The following AP1G1 variants were observed in gnomAD, a reference collection of about 807,000 sequenced individuals.
The protein encoded by AP1G1 is adaptor related protein complex 1 subunit gamma 1, also known as AP-1 complex subunit gamma-1.
AP1G1 carries 7 observed loss-of-function variants against 108.3 expected under a neutral mutation model. The observed-to-expected ratio is 0.06, with a 90% CI of 0.04 to 0.12. The LOEUF (loss-of-function observed/expected upper bound fraction) is 0.12. Ranked by LOEUF, AP1G1 falls within the 10% of genes least tolerant of loss-of-function variation. The pLI is 1.00. For missense variants in AP1G1, 756 were observed against 1,010.7 expected, an observed-to-expected ratio of 0.75 and a Z score of 3.42; for synonymous variants, 379 against 353.5, an observed-to-expected ratio of 1.07 and a Z score of -0.81.
At chr16:71,786,265 T>G (rs999191461) in intron 2 of AP1G1, among the ~76,000 whole-genome samples, 1 of 152,124 alleles carries the variant, frequency 6.6e-6, no homozygotes, top group Non-Finnish European at 1.5e-5. Flanking sequence ...TTAGAAAATA[T>G]AGAGAGATTT....
chr16:71,807,862 A>G (rs1258513716), intron 1 of AP1G1: 4 of 1,267,436 alleles, frequency 3.2e-6, no homozygotes, highest in Non-Finnish European at 3.1e-6. Flanking sequence ...AATAGGGGAG[A>G]AAAAAAAATA....
chr16:71,767,077 T>TAA (rs1340648373), intron 6 of AP1G1, among the ~76,000 whole-genome samples: 1 of 152,240 alleles, frequency 6.6e-6, no homozygotes, highest in Non-Finnish European at 1.5e-5. Context: ...GTACTAGATA[T>TAA]AACCCTAGTT....
At chr16:71,806,637 C>G (rs1454933449) in intron 1 of AP1G1, 1 of 1,196,100 alleles carries the variant, frequency 8.4e-7, no homozygotes, top group South Asian at 1.3e-5. Flanking sequence ...CTTGAAAAGT[C>G]TAAGTCAGAA....
At chr16:71,782,364 AT>A (rs1033110994) in intron 2 of AP1G1, among the ~76,000 whole-genome samples, 7 of 151,740 alleles carry the variant, frequency 4.6e-5, no homozygotes, top group African/African-American at 1.7e-4. Context: ...GGGTTTCACT[AT>A]GTTTGTCAGG....
intron 2 of AP1G1, among the ~76,000 whole-genome samples, chr16:71,775,407 G>C (rs2031745310): frequency 6.6e-6 from 1 of 152,104 alleles, no homozygotes; most frequent in South Asian, 2.1e-4. Flanking sequence ...TTCTAGAACA[G>C]ATCATTTTAT....
intron 13 of AP1G1, among the ~76,000 whole-genome samples, chr16:71,752,406 CAG>C (rs2030554594): frequency 6.6e-6 from 1 of 152,062 alleles, no homozygotes; most frequent in Admixed American, 6.6e-5. Context: ...GAGTATGCCC[CAG>C]AGAGAATTCC....
chr16:71,741,321 G>A (rs2145419891), intron 19 of AP1G1, among the ~76,000 whole-genome samples: 2 of 152,298 alleles, frequency 1.3e-5, no homozygotes, highest in Middle Eastern at 6.8e-3. Flanking sequence ...GATGGCTCAT[G>A]CCTGTAATCC....
intron 19 of AP1G1, among the ~76,000 whole-genome samples, chr16:71,744,570 T>C (rs550324531): frequency 2.6e-5 from 2 of 76,910 alleles, no homozygotes; most frequent in African/African-American, 1.0e-4. Flanking sequence ...AGAGAAAGTG[T>C]GTTTTTTTTT....
intron 21 of AP1G1, among the ~76,000 whole-genome samples, chr16:71,738,042 TA>T (rs1280635938): frequency 6.6e-6 from 1 of 152,214 alleles, no homozygotes; most frequent in Non-Finnish European, 1.5e-5. Context: ...TTTCTTTATT[TA>T]GAACTCTTTG....
Position 71,749,318 on chromosome 16 carries a change from CA to C in AP1G1, c.1497+575del, listed in dbSNP as rs200645649. ...GCAACACGGTGAAACCCTGTCTCTA[CA>C]AAAAAAAAGTAGAATAAACTAGCCA... On this transcript the variant is annotated intron_variant, in intron 15 of 22. Coordinates refer to ENST00000299980, the MANE Select transcript of AP1G1 (RefSeq NM_001128.6). Among the ~76,000 whole-genome samples the C allele has an allele frequency of 2.0e-5, 3 of 149,708 alleles. No homozygotes were observed. In the South Asian group the frequency reaches 6.3e-4, roughly 32 times the overall value.
At chr16:71,773,958 C>T (rs1019430076) in intron 3 of AP1G1, among the ~76,000 whole-genome samples, 9 of 149,512 alleles carry the variant, frequency 6.0e-5, no homozygotes, top group African/African-American at 1.2e-4. Flanking sequence ...TTAGTAGAAA[C>T]GGGGTTTCAC....
Position 71,808,826 on chromosome 16 carries a change from C to G in AP1G1, c.-67G>C, listed in dbSNP as rs953819031. The G allele has an allele frequency of 1.6e-6, 2 of 1,289,376 alleles. No homozygotes were observed. Among genetic ancestry groups the G allele is most frequent in the African/African-American group, 1.5e-5 (1 of 65,878 alleles). 79.9% of individuals were successfully genotyped at this position (1,289,376 alleles called of 1,614,324 possible). A position where few individuals can be genotyped will look rare whatever the true frequency, so the allele number is the denominator to read the frequency against. On this transcript the variant is annotated 5_prime_UTR_variant, in exon 1 of 23. Coordinates refer to ENST00000299980, the MANE Select transcript of AP1G1 (RefSeq NM_001128.6). Reference sequence around the variant, plus strand: ...CGGCGGCAGCAGTGGCAGCAGGAACCGAACATCCAAAATGGCGGCTCCCTC... The same window carrying G: ...CGGCGGCAGCAGTGGCAGCAGGAACGGAACATCCAAAATGGCGGCTCCCTC...
chr16:71,765,142 A>G (rs1175049220), intron 7 of AP1G1, among the ~76,000 whole-genome samples: 2 of 152,288 alleles, frequency 1.3e-5, no homozygotes, highest in East Asian at 3.9e-4. Flanking sequence ...GGAGTTTGAG[A>G]CCAGCCTAGG....
In AP1G1 at chr16:71,790,051, A is replaced by G. The variant is rs79403734; in HGVS notation, c.-3-569T>C. Among the ~76,000 whole-genome samples the G allele has an allele frequency of 6.4e-3, 981 of 152,268 alleles. 14 individuals carry two copies. Among genetic ancestry groups the G allele is most frequent in the African/African-American group, 0.021 (869 of 41,542 alleles). On this transcript the variant is annotated intron_variant, in intron 1 of 22. Coordinates refer to ENST00000299980, the MANE Select transcript of AP1G1 (RefSeq NM_001128.6). ...TGAAAATGTGATGAGAAAAAAATAA[A>G]CTAACCTCAGAAAATAAGGCTATTA...
At chr16:71,740,603 A>T (rs1211259186) in intron 19 of AP1G1, among the ~76,000 whole-genome samples, 1 of 152,258 alleles carries the variant, frequency 6.6e-6, no homozygotes, top group Non-Finnish European at 1.5e-5. Context: ...TACACTTAAC[A>T]TGGATTATTC....
intron 2 of AP1G1, 40 bp from the exon 3 acceptor site, chr16:71,774,632 T>A (rs990075180): frequency 6.5e-7 from 1 of 1,541,308 alleles, no homozygotes; most frequent in Non-Finnish European, 8.7e-7. Flanking sequence ...AATTAAAACT[T>A]GCTACCACAA....
rs953819031 is a variant in AP1G1, at chr16:71,808,826, C to T, written c.-67G>A. On this transcript the variant is annotated 5_prime_UTR_variant, in exon 1 of 23. Coordinates refer to ENST00000299980, the MANE Select transcript of AP1G1 (RefSeq NM_001128.6). ...CGGCGGCAGCAGTGGCAGCAGGAAC[C>T]GAACATCCAAAATGGCGGCTCCCTC... 15 of 1,289,376 alleles carry T rather than the reference C, an allele frequency of 1.2e-5. No individual in the cohort carries two copies. Among genetic ancestry groups the T allele is most frequent in the Admixed American group, 2.3e-5 (1 of 43,520 alleles). The allele number at this position is 1,289,376 out of a possible 1,614,324, so 79.9% of individuals were successfully genotyped here. A position where few individuals can be genotyped will look rare whatever the true frequency, so the allele number is the denominator to read the frequency against.
intron 21 of AP1G1, among the ~76,000 whole-genome samples, chr16:71,735,218 A>C (rs1471785081): frequency 6.6e-6 from 1 of 152,228 alleles, no homozygotes; most frequent in African/African-American, 2.4e-5. Flanking sequence ...AAGCCTGCAT[A>C]ATCTATAATG....
At chr16:71,736,136 A>T in intron 21 of AP1G1, among the ~76,000 whole-genome samples, 1 of 129,358 alleles carries the variant, frequency 7.7e-6, no homozygotes, top group African/African-American at 2.9e-5. Flanking sequence ...ATATATATAT[A>T]TATATATATA....
Sources: gnomAD v4.1 joint callset for allele counts (sites outside exome capture counted in the v4.1 genomes callset) on GRCh38, gnomAD v4.1.1 for gene constraint, MANE v1.5 for transcripts, NCBI Gene and HGNC (gene_info 2026-07-23, HGNC 2026-07-21) for gene names.